Variants in MB21D2 observed in about 807,000 individuals in gnomAD.
MB21D2 encodes the protein Mab-21 domain containing 2.
Under a neutral mutation model 33.3 loss-of-function variants are expected in MB21D2, and 9 were observed. That is an observed-to-expected ratio of 0.27 (90% CI 0.16 to 0.47). The LOEUF (loss-of-function observed/expected upper bound fraction) is 0.47, where lower values mean the gene tolerates loss of function less well. Ranked by LOEUF, MB21D2 falls within the 20% of genes least tolerant of loss-of-function variation. MB21D2 has a pLI of 0.99. For missense variants in MB21D2, 540 were observed against 624.6 expected (o/e 0.86, Z 1.44); for synonymous variants, 241 against 236.3 (o/e 1.02, Z -0.18).
At chr3:192,809,489 G>T (rs1057115446) in intron 1 of MB21D2, among the ~76,000 whole-genome samples, 9 of 152,160 alleles carry the variant, frequency 5.9e-5, no homozygotes, top group Non-Finnish European at 1.3e-4. Flanking sequence ...CCAAATTCAA[G>T]TTGATCCTAT....
chr3:192,862,248 A>G lies in MB21D2; in HGVS notation c.211+55382T>C, dbSNP rs530487026. 2.0e-5 allele frequency among the ~76,000 whole-genome samples: 3 copies of G among 152,310 alleles called. No individual in the cohort carries two copies. The East Asian group carries it at 5.8e-4, about 29-fold the overall frequency. ...GTGGAGGAAGTGAGGTAAGGAAACTATAGACTGGATGATGATTTGAAGGAA... is the reference window on the plus strand; with the variant it reads ...GTGGAGGAAGTGAGGTAAGGAAACTGTAGACTGGATGATGATTTGAAGGAA... On this transcript the variant is annotated intron_variant, in intron 1 of 1. Transcript: ENST00000392452.
intron 1 of MB21D2, among the ~76,000 whole-genome samples, chr3:192,883,986 T>A (rs1336756907): frequency 2.0e-5 from 3 of 152,100 alleles, no homozygotes; most frequent in African/African-American, 7.3e-5. Flanking sequence ...GCTTGATCTG[T>A]TTCTATGGTT....
chr3:192,847,431 G>GA (rs945973653), intron 1 of MB21D2, among the ~76,000 whole-genome samples: 5 of 152,090 alleles, frequency 3.3e-5, no homozygotes, highest in Non-Finnish European at 7.4e-5. Context: ...GCTGTGCCAC[G>GA]AACTAGCAGT....
At chr3:192,884,394 T>C (rs1713675412) in intron 1 of MB21D2, among the ~76,000 whole-genome samples, 1 of 151,424 alleles carries the variant, frequency 6.6e-6, no homozygotes, top group Non-Finnish European at 1.5e-5. Flanking sequence ...TGAGACGGAG[T>C]CTTGCTCTGT....
chr3:192,859,414 C>CG (rs1034238112), intron 1 of MB21D2, among the ~76,000 whole-genome samples: 36 of 152,022 alleles, frequency 2.4e-4, no homozygotes, highest in African/African-American at 8.5e-4. Flanking sequence ...AGATGAGGAG[C>CG]GGGGGAAGAA....
chr3:192,878,405 G>A (rs567475025), intron 1 of MB21D2, among the ~76,000 whole-genome samples: 5 of 152,136 alleles, frequency 3.3e-5, no homozygotes, highest in Non-Finnish European at 7.4e-5. Context: ...AATTGGAGAA[G>A]AAATAAAAAG....
chr3:192,873,444 C>T (rs996239848), intron 1 of MB21D2, among the ~76,000 whole-genome samples: 1 of 152,118 alleles, frequency 6.6e-6, no homozygotes, highest in Non-Finnish European at 1.5e-5. Context: ...TGCAGGAGGT[C>T]TCCACACCCA....
At chr3:192,818,449 T>A (rs1335825125) in intron 1 of MB21D2, among the ~76,000 whole-genome samples, 1 of 151,838 alleles carries the variant, frequency 6.6e-6, no homozygotes, top group African/African-American at 2.4e-5. Context: ...CTAAAAAAAA[T>A]GTACTCAAAC....
intron 1 of MB21D2, among the ~76,000 whole-genome samples, chr3:192,892,347 C>G (rs1713869334): frequency 6.6e-6 from 1 of 152,240 alleles, no homozygotes; most frequent in Admixed American, 6.5e-5. Flanking sequence ...ACCCAAAGCT[C>G]ACCCTAGGTT....
At chr3:192,874,389 C>G (rs558094618) in intron 1 of MB21D2, among the ~76,000 whole-genome samples, 18 of 152,208 alleles carry the variant, frequency 1.2e-4, no homozygotes, top group Non-Finnish European at 2.5e-4. Context: ...GACTAGGATA[C>G]ATTACAAAAC....
At chr3:192,871,174 T>G (rs1469312418) in intron 1 of MB21D2, among the ~76,000 whole-genome samples, 1 of 152,150 alleles carries the variant, frequency 6.6e-6, no homozygotes, top group Non-Finnish European at 1.5e-5. Context: ...TCTATTCTCA[T>G]AGAATCCACT....
chr3:192,831,082 G>A (rs570966916), intron 1 of MB21D2, among the ~76,000 whole-genome samples: 2 of 152,288 alleles, frequency 1.3e-5, no homozygotes, highest in African/African-American at 4.8e-5. Context: ...AAATCAAATA[G>A]GTAAACGTGA....
intron 1 of MB21D2, among the ~76,000 whole-genome samples, chr3:192,819,707 C>A (rs139921926): frequency 1.3e-5 from 2 of 152,180 alleles, no homozygotes; most frequent in African/African-American, 4.8e-5. Context: ...CTATGCAGAC[C>A]ACTGCTGGAG....
chr3:192,835,153 T>TTAAC (rs542816754), intron 1 of MB21D2, among the ~76,000 whole-genome samples: 1,285 of 75,766 alleles, frequency 0.017, 69 homozygotes, highest in East Asian at 0.06. Context: ...AAAGTGTCTT[T>TTAAC]AAAAAAAAAA....
At chr3:192,863,723 C>T (rs1713103254) in intron 1 of MB21D2, among the ~76,000 whole-genome samples, 2 of 152,094 alleles carry the variant, frequency 1.3e-5, no homozygotes, top group Non-Finnish European at 2.9e-5. Flanking sequence ...CAGGAAGAGG[C>T]CAGGTCGTAA....
intron 1 of MB21D2, among the ~76,000 whole-genome samples, chr3:192,800,271 G>A (rs1381129486): frequency 6.6e-6 from 1 of 151,990 alleles, no homozygotes; most frequent in Non-Finnish European, 1.5e-5. Flanking sequence ...AAGAGACAGG[G>A]TCTTGCTATG....
chr3:192,909,345 T>C (rs913402261), intron 1 of MB21D2, among the ~76,000 whole-genome samples: 4 of 152,168 alleles, frequency 2.6e-5, no homozygotes, highest in African/African-American at 9.7e-5. Flanking sequence ...TATTAGTGCC[T>C]TAAATAATAA....
chr3:192,810,381 T>C (rs915876325), intron 1 of MB21D2, among the ~76,000 whole-genome samples: 11 of 152,204 alleles, frequency 7.2e-5, no homozygotes, highest in African/African-American at 2.7e-4. Flanking sequence ...AGCTTTAAAA[T>C]GATCCCAATT....
At chr3:192,889,887 C>T (rs2108646488) in intron 1 of MB21D2, among the ~76,000 whole-genome samples, 1 of 152,084 alleles carries the variant, frequency 6.6e-6, no homozygotes, top group East Asian at 1.9e-4. Flanking sequence ...AGAGTCAACA[C>T]TTCGTTTAAC....
Sources: gnomAD v4.1 joint callset for allele counts (sites outside exome capture counted in the v4.1 genomes callset) on GRCh38, gnomAD v4.1.1 for gene constraint, MANE v1.5 for transcripts, NCBI Gene and HGNC (gene_info 2026-07-23, HGNC 2026-07-21) for gene names.